COTL1: variants seen among roughly 807,000 people sequenced by gnomAD.
The protein encoded by COTL1 is coactosin-like protein.
In COTL1, 15 loss-of-function variants were observed where a neutral mutation model predicts 16.5. That is an observed-to-expected ratio of 0.91 (90% CI 0.61 to 1.40). COTL1 has a LOEUF of 1.40. Ranked by LOEUF, COTL1 falls within the 40% of genes most tolerant of loss-of-function variation. The pLI, the probability that COTL1 is intolerant of heterozygous loss-of-function variation, is 0.00. For synonymous variants in COTL1, 112 were observed against 85.3 expected, an observed-to-expected ratio of 1.31 and a Z score of -1.73; for missense variants, 220 against 201.5, an observed-to-expected ratio of 1.09 and a Z score of -0.56.
Position 84,606,544 on chromosome 16 carries a change from T to G in COTL1, c.160+10957A>C, listed in dbSNP as rs1433189387. Among the ~76,000 whole-genome samples the G allele has an allele frequency of 2.6e-5, 4 of 152,252 alleles. No individual in the cohort carries two copies. In the East Asian group the frequency reaches 5.8e-4, roughly 22 times the overall value. On this transcript the variant is annotated intron_variant, in intron 2 of 3. Transcript: ENST00000262428. ...CATAACTGCACATGTGGCTATGATC[T>G]TAGGCACTGCTAAATGCTGCAAGGA...
chr16:84,612,962 C>T (rs575438723), intron 2 of COTL1, among the ~76,000 whole-genome samples: 9 of 151,080 alleles, frequency 6.0e-5, no homozygotes, highest in Admixed American at 1.3e-4. Flanking sequence ...AGAAGCAGAG[C>T]GGAGATGTCA....
At chr16:84,588,641 G>C (rs1207568119) in intron 3 of COTL1, among the ~76,000 whole-genome samples, 1 of 152,078 alleles carries the variant, frequency 6.6e-6, no homozygotes, top group Non-Finnish European at 1.5e-5. Flanking sequence ...CTCCCAAGTA[G>C]CTGGGACTAC....
intron 2 of COTL1, among the ~76,000 whole-genome samples, chr16:84,607,902 A>ACTTATCGGGCAGG (rs1428233418): frequency 6.6e-6 from 1 of 152,116 alleles, no homozygotes; most frequent in Non-Finnish European, 1.5e-5. Flanking sequence ...AAACGCCTAG[A>ACTTATCGGGCAGG]CTTATCGGGC....
At position 84,590,185 on chromosome 16, in the gene COTL1, T is replaced by C. The variant is rs772332275; in HGVS notation, c.238A>G (p.Thr80Ala). The change falls in exon 3 of 4, where the codon ACG (threonine) becomes GCG (alanine). Residue 80 changes from threonine to alanine, a missense_variant. Physicochemically the swap from Thr to Ala is moderately conservative, Grantham distance 58 (BLOSUM62 0). Coordinates refer to ENST00000262428, the MANE Select transcript of COTL1 (RefSeq NM_021149.5). This position sits in a 1 kb window ranked among gnomAD's most constrained non-coding sequence, Gnocchi z 5.5. ...CCGCTGACGTTCTCACCGATCCACG[T>C]GATGAGGGCAAACTTGGACCTCTTG... ...MSKRSKFALITWIGENVSGLQ... is the reference protein window; with the variant it reads ...MSKRSKFALIAWIGENVSGLQ... 2 of 1,614,080 alleles carry C rather than the reference T, an allele frequency of 1.2e-6. No individual in the cohort carries two copies. Among genetic ancestry groups the C allele is most frequent in the African/African-American group, 1.3e-5 (1 of 74,922 alleles).
chr16:84,596,184 C>T (rs1465982412), intron 2 of COTL1: 2 of 152,446 alleles, frequency 1.3e-5, no homozygotes, highest in African/African-American at 4.8e-5. Flanking sequence ...CACCCAAACA[C>T]AGGTACCAGA....
In COTL1 at chr16:84,617,523, C is replaced by G. The variant is rs1384776564; in HGVS notation, c.138G>C (p.Gln46His). Residue 46 changes from glutamine (Q) to histidine (H), a missense_variant, in exon 2 of 4, where the codon CAG (glutamine) becomes CAC (histidine). By Grantham distance (24) the Gln-to-His change is conservative. Coordinates refer to ENST00000262428, the MANE Select transcript of COTL1 (RefSeq NM_021149.5). The part of the protein sequence containing the change: ...IVPGEQGAEY[Q>H]HFIQQCTDDV... ...TACCTGTGCACTGCTGGATGAAGTG[C>G]TGGTACTCCGCTCCCTGCTCGCCGG... 1.3e-6 allele frequency: 2 copies of G among 1,556,084 alleles called. No homozygotes were observed. Among genetic ancestry groups the G allele is most frequent in the Middle Eastern group, 1.8e-4 (1 of 5,706 alleles).
Position 84,566,708 on chromosome 16 carries a change from A to G in COTL1, c.*137T>C, listed in dbSNP as rs41291692. The G allele has an allele frequency of 7.1e-3, 4,361 of 616,334 alleles. 25 individuals carry two copies. The highest frequency in any genetic ancestry group is 0.012 in the Middle Eastern group (29 of 2,510). 38.2% of individuals were successfully genotyped at this position (616,334 alleles called of 1,614,324 possible). A position where few individuals can be genotyped will look rare whatever the true frequency, so the allele number is the denominator to read the frequency against. ...AAGCGGGAAGGTGGGGGCTGTGGACACAGGGTGGCGGGCGCTGCCTCTCAT... is the reference window on the plus strand; with the variant it reads ...AAGCGGGAAGGTGGGGGCTGTGGACGCAGGGTGGCGGGCGCTGCCTCTCAT... On this transcript the variant is annotated 3_prime_UTR_variant, in exon 4 of 4. Coordinates refer to ENST00000262428, the MANE Select transcript of COTL1 (RefSeq NM_021149.5).
intron 2 of COTL1, 54 bp downstream of exon 2, chr16:84,617,447 G>A (rs1905519942): frequency 5.3e-6 from 8 of 1,507,606 alleles, no homozygotes; most frequent in Admixed American, 2.0e-5. Flanking sequence ...GGCTCCCCGG[G>A]TGCAGACAAC....
At chr16:84,581,840 A>T (rs1904601722) in intron 3 of COTL1, among the ~76,000 whole-genome samples, 1 of 151,880 alleles carries the variant, frequency 6.6e-6, no homozygotes, top group Non-Finnish European at 1.5e-5. Context: ...AGAGATTTGG[A>T]AATTTCAACC....
rs568559043 is a variant in COTL1 at position 84,566,105 on chromosome 16, T to A, written c.*740A>T. On this transcript the variant is annotated 3_prime_UTR_variant, in exon 4 of 4. Transcript: ENST00000262428. ...GCCCTTCTCTGTGTCACAAGGAAAT[T>A]TCGGTCAAGAGGGTGGGAACAGGTG... is the stretch of plus-strand genomic sequence containing the variant. 2.6e-5 allele frequency: 4 copies of A among 152,840 alleles called. No individual in the cohort carries two copies. Among genetic ancestry groups the A allele is most frequent in the African/African-American group, 9.6e-5 (4 of 41,584 alleles). The allele number at this position is 152,840 out of a possible 1,614,324, so 9.5% of individuals were successfully genotyped here.
intron 2 of COTL1, among the ~76,000 whole-genome samples, chr16:84,602,006 C>G (rs1905113183): frequency 6.6e-6 from 1 of 152,116 alleles, no homozygotes; most frequent in Non-Finnish European, 1.5e-5. Flanking sequence ...TCAGAATGAG[C>G]TACAGGCCTC....
intron 2 of COTL1, among the ~76,000 whole-genome samples, chr16:84,591,797 C>A (rs79324036): frequency 6.9e-6 from 1 of 144,088 alleles, no homozygotes; most frequent in Non-Finnish European, 1.5e-5. Flanking sequence ...GTACTCCAGC[C>A]TGGGTGGCCA....
chr16:84,581,240 A>G (rs1053214442), intron 3 of COTL1, among the ~76,000 whole-genome samples: 10 of 150,412 alleles, frequency 6.6e-5, no homozygotes, highest in Admixed American at 6.6e-4. Context: ...CCCAGGTGAA[A>G]TGCATCAGGC....
chr16:84,590,304 A>T lies in COTL1; in HGVS notation c.161-42T>A. 1 of 1,600,524 alleles carries T rather than the reference A, an allele frequency of 6.2e-7. No homozygotes were observed. Among genetic ancestry groups the T allele is most frequent in the Non-Finnish European group, 8.5e-7 (1 of 1,170,448 alleles). On this transcript the variant is annotated intron_variant, in intron 2 of 3. Transcript: ENST00000262428. The surrounding 1 kb of genome is among the most constrained non-coding windows in gnomAD (Gnocchi z 5.5). ...AAAGAGAACATGGTGCTGCGTTAAAACACCCCCATGTCATGTCCCTGGGGA... is the reference window on the plus strand; with the variant it reads ...AAAGAGAACATGGTGCTGCGTTAAATCACCCCCATGTCATGTCCCTGGGGA...
chr16:84,612,723 C>T (rs536163247), intron 2 of COTL1, among the ~76,000 whole-genome samples: 9 of 152,292 alleles, frequency 5.9e-5, no homozygotes, highest in African/African-American at 2.2e-4. Flanking sequence ...GCAGAGGCTG[C>T]ACTCCAGCCT....
intron 3 of COTL1, among the ~76,000 whole-genome samples, chr16:84,573,383 A>G (rs2150680519): frequency 6.6e-6 from 1 of 152,364 alleles, no homozygotes; most frequent in South Asian, 2.1e-4. Flanking sequence ...GGCAAACAGA[A>G]TCATGAATCG....
At chr16:84,592,791 G>A (rs951529796) in intron 2 of COTL1, among the ~76,000 whole-genome samples, 10 of 152,210 alleles carry the variant, frequency 6.6e-5, no homozygotes, top group African/African-American at 9.6e-5. Flanking sequence ...TAACCAGCAC[G>A]TTCGCCTTCA....
chr16:84,600,591 G>A (rs1340014654), intron 2 of COTL1, among the ~76,000 whole-genome samples: 2 of 152,198 alleles, frequency 1.3e-5, no homozygotes, highest in African/African-American at 4.8e-5. Flanking sequence ...AGGATTACAG[G>A]CGCGAGCCAC....
In COTL1 at chr16:84,590,663, A is replaced by G. The variant is rs373991392; in HGVS notation, c.161-401T>C. Among the ~76,000 whole-genome samples, 19 of 152,354 alleles carry G rather than the reference A, an allele frequency of 1.2e-4. 1 individual carries two copies. In the South Asian group the frequency reaches 3.9e-3, roughly 32 times the overall value. ...CCATTGCACAGATGTGGGTGCCGCC[A>G]GCAGTGCCAGGGCCCAGCCAAAAAA... On this transcript the variant is annotated intron_variant, in intron 2 of 3. Coordinates refer to ENST00000262428, the MANE Select transcript of COTL1 (RefSeq NM_021149.5). The surrounding 1 kb of genome is among the most constrained non-coding windows in gnomAD (Gnocchi z 5.5).
Sources: allele counts gnomAD v4.1 joint callset (sites outside exome capture counted in the v4.1 genomes callset), GRCh38; gene constraint gnomAD v4.1.1; non-coding constraint Gnocchi (gnomAD v3.1); transcripts MANE v1.5; gene names NCBI Gene and HGNC (gene_info 2026-07-23, HGNC 2026-07-21).